Variants in EIF4E3 observed in about 807,000 individuals in gnomAD.
EIF4E3 encodes eukaryotic translation initiation factor 4E type 3.
A neutral mutation model predicts 31.7 loss-of-function variants in EIF4E3; 26 were observed. The observed-to-expected ratio is 0.82, with a 90% CI of 0.60 to 1.14. The LOEUF is 1.14. EIF4E3 is among the 50% of genes most tolerant of loss of function. The pLI, the probability that EIF4E3 is intolerant of heterozygous loss-of-function variation, is 0.00. For synonymous variants in EIF4E3, 128 were observed against 107.7 expected (o/e 1.19, Z -1.17); for missense variants, 304 against 270.9 (o/e 1.12, Z -0.86).
At chr3:71,708,418 T>G (rs1193131241) in intron 2 of EIF4E3, among the ~76,000 whole-genome samples, 1 of 152,160 alleles carries the variant, frequency 6.6e-6, no homozygotes, top group Non-Finnish European at 1.5e-5. Flanking sequence ...TTGTCAAAAG[T>G]TATACTTAAG....
At position 71,693,859 on chromosome 3, in the gene EIF4E3, C is replaced by T. The variant is rs1173557677; in HGVS notation, c.472+16G>A. ...GCACACGAGGCAGGGCCGGCCGGAG[C>T]CGTGGGCTGCTTTACCTGCTGCGGC... On this transcript the variant is annotated intron_variant, in intron 5 of 6. Transcript: ENST00000425534. The T allele has an allele frequency of 9.8e-6, 15 of 1,538,298 alleles. No homozygotes were observed. The highest frequency in any genetic ancestry group is 1.1e-5 in the Non-Finnish European group (13 of 1,143,858).
upstream of EIF4E3, chr3:71,753,980 C>T: frequency 9.5e-7 from 1 of 1,048,078 alleles, no homozygotes; most frequent in Non-Finnish European, 1.1e-6. Flanking sequence ...GAGCTCGGGC[C>T]GGGCGGCCTG....
chr3:71,692,670 T>G (rs2049079621), intron 5 of EIF4E3, among the ~76,000 whole-genome samples: 3 of 152,024 alleles, frequency 2.0e-5, no homozygotes, highest in African/African-American at 7.2e-5. Context: ...CATAGCTCAT[T>G]GCAGCCTCTA....
intron 2 of EIF4E3, among the ~76,000 whole-genome samples, chr3:71,703,611 G>C (rs1389637996): frequency 6.6e-6 from 1 of 152,078 alleles, no homozygotes; most frequent in Non-Finnish European, 1.5e-5. Flanking sequence ...CCACCTTACA[G>C]CCTTCTGCCA....
chr3:71,712,756 A>T (rs1265385306), intron 1 of EIF4E3, among the ~76,000 whole-genome samples: 1 of 151,548 alleles, frequency 6.6e-6, no homozygotes, highest in Admixed American at 6.6e-5. Flanking sequence ...TCAATTTGAA[A>T]GGTTTATAAT....
At chr3:71,673,909 TTA>T (rs796175405), downstream of EIF4E3, among the ~76,000 whole-genome samples, 2,711 of 138,044 alleles carry the variant, frequency 0.02, 53 homozygotes, top group African/African-American at 0.057. Context: ...AATATAATAA[TTA>T]TATATATATA....
At chr3:71,733,766 C>T (rs1329577794) in intron 1 of EIF4E3, among the ~76,000 whole-genome samples, 1 of 152,112 alleles carries the variant, frequency 6.6e-6, no homozygotes, top group Non-Finnish European at 1.5e-5. Context: ...CTTTATAAGT[C>T]ATTTACTTCT....
chr3:71,715,991 C>T (rs544781631), intron 1 of EIF4E3, among the ~76,000 whole-genome samples: 67 of 152,246 alleles, frequency 4.4e-4, no homozygotes, highest in Middle Eastern at 6.8e-3. Context: ...AATAACTGAG[C>T]AGTCATTGTC....
At chr3:71,749,240 G>A (rs2049902845) in intron 1 of EIF4E3, among the ~76,000 whole-genome samples, 1 of 152,230 alleles carries the variant, frequency 6.6e-6, no homozygotes, top group South Asian at 2.1e-4. Context: ...GCTCTTTACA[G>A]TTAGGTACAA....
In EIF4E3 at chr3:71,714,273, AGAAG is replaced by A. The variant is rs1215872110; in HGVS notation, c.177-3793_177-3790del. 8.9e-3 allele frequency among the ~76,000 whole-genome samples: 1,113 copies of A among 125,324 alleles called. 6 individuals carry two copies. The highest frequency in any genetic ancestry group is 0.033 in the East Asian group (156 of 4,684). 82.2% of individuals were successfully genotyped at this position (125,324 alleles called of 152,430 possible). A position where few individuals can be genotyped will look rare whatever the true frequency, so the allele number is the denominator to read the frequency against. On this transcript the variant is annotated intron_variant, in intron 1 of 6. Transcript: ENST00000425534. ...AGGAAGGAAGGAAGGAAGGAAGGAA[AGAAG>A]GAAGGAAGGAAGGAAGGAAGGAAGG...
intron 2 of EIF4E3, among the ~76,000 whole-genome samples, chr3:71,704,287 C>T (rs1227510797): frequency 6.6e-6 from 1 of 152,156 alleles, no homozygotes; most frequent in Non-Finnish European, 1.5e-5. Flanking sequence ...GGGGTTAAAA[C>T]CCTGAAAGGA....
At chr3:71,666,601 A>C in the EIF4E3 span, among the ~76,000 whole-genome samples, 1 of 152,210 alleles carries the variant, frequency 6.6e-6, no homozygotes. Flanking sequence ...TTATGAGGCC[A>C]GCATCATCCT....
intron 1 of EIF4E3, among the ~76,000 whole-genome samples, chr3:71,716,382 G>A (rs1160061761): frequency 6.6e-6 from 1 of 152,010 alleles, no homozygotes; most frequent in Non-Finnish European, 1.5e-5. Context: ...ACAAGCACCC[G>A]CCACCACGCC....
Position 71,693,908 on chromosome 3 carries a change from T to C in EIF4E3, c.439A>G (p.Ile147Val), listed in dbSNP as rs1489355694. Residue 147 changes from isoleucine (I) to valine (V), a missense_variant, in exon 5 of 7, where the codon ATC becomes GTC. Ile to Val is a conservative substitution (Grantham distance 29). Transcript: ENST00000425534. ...GCACAGTCTGTGAACTGTTCCCCGA[T>C]GGTTGCTAACAGCAACTCTTTCCAA... ...TVWKELLLATIGEQFTDCAAA... is the reference protein window; with the variant it reads ...TVWKELLLATVGEQFTDCAAA... 6.3e-7 allele frequency: 1 copy of C among 1,586,818 alleles called. No homozygotes were observed. The highest frequency in any genetic ancestry group is 1.8e-5 in the Admixed American group (1 of 56,532).
chr3:71,704,327 A>T (rs368889412), intron 2 of EIF4E3, among the ~76,000 whole-genome samples: 4 of 152,198 alleles, frequency 2.6e-5, no homozygotes, highest in East Asian at 3.9e-4. Context: ...AAGATTGGGG[A>T]TGCCTAGACC....
At chr3:71,743,240 C>G (rs2049838617) in intron 1 of EIF4E3, among the ~76,000 whole-genome samples, 1 of 152,098 alleles carries the variant, frequency 6.6e-6, no homozygotes, top group South Asian at 2.1e-4. Flanking sequence ...ATGTAGAAAA[C>G]CTGATAGAAT....
intron 5 of EIF4E3, among the ~76,000 whole-genome samples, chr3:71,691,380 C>G (rs1390860786): frequency 6.6e-6 from 1 of 152,174 alleles, no homozygotes; most frequent in East Asian, 1.9e-4. Context: ...TAATTCCTTT[C>G]TTTTCTCCAT....
intron 1 of EIF4E3, among the ~76,000 whole-genome samples, chr3:71,741,518 T>C (rs754125941): frequency 6.6e-6 from 1 of 152,100 alleles, no homozygotes; most frequent in African/African-American, 2.4e-5. Flanking sequence ...CCAAGATACA[T>C]GAAACAAAAA....
upstream of EIF4E3, among the ~76,000 whole-genome samples, chr3:71,730,396 T>C (rs953845057): frequency 2.0e-5 from 3 of 152,226 alleles, no homozygotes; most frequent in African/African-American, 7.2e-5. Context: ...AAACATTGTC[T>C]ATAAAGCACC....
Sources: allele counts gnomAD v4.1 joint callset (sites outside exome capture counted in the v4.1 genomes callset), GRCh38; gene constraint gnomAD v4.1.1; transcripts MANE v1.5; gene names NCBI Gene and HGNC (gene_info 2026-07-23, HGNC 2026-07-21).